RSPH14: variants seen among roughly 807,000 people sequenced by gnomAD.
RSPH14 encodes radial spoke head 14 homolog.
RSPH14 carries 20 observed loss-of-function variants against 26.7 expected under a neutral mutation model. The observed-to-expected ratio is 0.75, with a 90% CI of 0.53 to 1.09. The LOEUF is 1.09. Among genes scored for constraint, RSPH14 ranks in the 50% least tolerant of loss-of-function variants. The pLI, the probability that RSPH14 is intolerant of heterozygous loss-of-function variation, is 0.00. For missense variants in RSPH14, 449 were observed against 457.2 expected (o/e 0.98, Z 0.16); for synonymous variants, 177 against 189.3 (o/e 0.93, Z 0.53).
At chr22:23,123,624 GAC>G (rs1354542229) in intron 4 of RSPH14, 5 of 594,898 alleles carry the variant, frequency 8.4e-6, no homozygotes, top group East Asian at 5.5e-5. Context: ...TAGGTAGATA[GAC>G]ACACACACAT....
intron 4 of RSPH14, among the ~76,000 whole-genome samples, chr22:23,086,374 A>G (rs937291364): frequency 6.6e-6 from 1 of 152,224 alleles, no homozygotes; most frequent in African/African-American, 2.4e-5. Flanking sequence ...TGCTTTTAGC[A>G]TGAGATGACG....
intron 4 of RSPH14, chr22:23,096,454 T>C (rs1176419994): frequency 5.7e-6 from 9 of 1,565,938 alleles, no homozygotes; most frequent in African/African-American, 2.7e-5. Flanking sequence ...TGCTTGTTCC[T>C]GCTGTCGTGG....
At chr22:23,087,882 T>C (rs559819591) in intron 4 of RSPH14, among the ~76,000 whole-genome samples, 56 of 152,180 alleles carry the variant, frequency 3.7e-4, no homozygotes, top group African/African-American at 1.3e-3. Context: ...TTAGGGAGGG[T>C]CAGAATCTTT....
chr22:23,152,008 G>A, the RSPH14 span, among the ~76,000 whole-genome samples: 6 of 152,204 alleles, frequency 3.9e-5, no homozygotes, highest in African/African-American at 7.2e-5. Context: ...GCACAGCCCC[G>A]GGGGTGCATA....
At chr22:23,120,047 G>A (rs1372907045) in intron 4 of RSPH14, among the ~76,000 whole-genome samples, 1 of 152,204 alleles carries the variant, frequency 6.6e-6, no homozygotes, top group Non-Finnish European at 1.5e-5. Flanking sequence ...GGAGATGTTT[G>A]TCTGTCCTGA....
At chr22:23,159,331 G>A in the RSPH14 span, 84 of 1,341,916 alleles carry the variant, frequency 6.3e-5, 1 homozygote, top group Middle Eastern at 5.5e-4. Context: ...GCCATGCAGT[G>A]TTTCCCTCTG....
intron 4 of RSPH14, among the ~76,000 whole-genome samples, chr22:23,072,542 C>T (rs2068406433): frequency 1.3e-5 from 2 of 152,234 alleles, no homozygotes; most frequent in African/African-American, 4.8e-5. Context: ...TGCTCTCCCT[C>T]TGAAGGGGCT....
At chr22:23,085,098 A>G (rs2068782599) in intron 4 of RSPH14, among the ~76,000 whole-genome samples, 1 of 152,130 alleles carries the variant, frequency 6.6e-6, no homozygotes, top group African/African-American at 2.4e-5. Context: ...CACCTCAGAT[A>G]GGTGGACATG....
chr22:23,152,515 C>G, the RSPH14 span: 1 of 1,614,042 alleles, frequency 6.2e-7, no homozygotes, highest in African/African-American at 1.3e-5. Context: ...GGAAGACCAG[C>G]CTCATCCACA....
the RSPH14 span, among the ~76,000 whole-genome samples, chr22:23,175,618 G>A: frequency 6.6e-6 from 1 of 152,262 alleles, no homozygotes; most frequent in African/African-American, 2.4e-5. Flanking sequence ...ATAGATAGGC[G>A]TTTTATTATG....
At chr22:23,145,422 G>T (rs756669554), upstream of RSPH14, 2 of 1,610,644 alleles carry the variant, frequency 1.2e-6, no homozygotes, top group Non-Finnish European at 1.7e-6. Flanking sequence ...GTCCAACGCA[G>T]ACCCCGCCCA....
chr22:23,145,903 C>T (rs1265614968), upstream of RSPH14: 1 of 870,520 alleles, frequency 1.1e-6, no homozygotes, highest in Non-Finnish European at 1.4e-6. Flanking sequence ...GGGAAAAGGC[C>T]TAGTTGGCTG....
chr22:23,074,448 G>A (rs1336864122), intron 4 of RSPH14, among the ~76,000 whole-genome samples: 1 of 152,198 alleles, frequency 6.6e-6, no homozygotes, highest in African/African-American at 2.4e-5. Flanking sequence ...GCAAGATACA[G>A]AAAAACCCAT....
chr22:23,168,163 C>T, the RSPH14 span, among the ~76,000 whole-genome samples: 7 of 152,178 alleles, frequency 4.6e-5, no homozygotes, highest in South Asian at 2.1e-4. Context: ...GCAGCCCACA[C>T]GGCAGATGCC....
intron 2 of RSPH14, 147 bp from the exon 3 acceptor site, chr22:23,139,089 G>A (rs188937681): frequency 1.6e-6 from 1 of 629,264 alleles, no homozygotes; most frequent in East Asian, 2.7e-5. Context: ...GAATCATGTT[G>A]GTTATGCAGC....
chr22:23,141,517 C>A (rs1259596596), intron 1 of RSPH14, among the ~76,000 whole-genome samples: 1 of 152,162 alleles, frequency 6.6e-6, no homozygotes, highest in African/African-American at 2.4e-5. Context: ...ACAGTACCTC[C>A]TTCCCTGCCT....
intron 3 of RSPH14, 109 bp from the exon 4 acceptor site, chr22:23,134,253 A>C: frequency 1.3e-6 from 1 of 754,232 alleles, no homozygotes; most frequent in Non-Finnish European, 2.2e-6. Context: ...TCTGGGGTAG[A>C]CCACATTCCT....
At chr22:23,068,795 G>A (rs1354155924) in intron 4 of RSPH14, among the ~76,000 whole-genome samples, 1 of 152,220 alleles carries the variant, frequency 6.6e-6, no homozygotes, top group African/African-American at 2.4e-5. Context: ...CCTTTTGACA[G>A]AAGAGGAAAC....
intron 4 of RSPH14, among the ~76,000 whole-genome samples, chr22:23,125,254 C>T (rs1489120330): frequency 4.6e-5 from 7 of 152,224 alleles, no homozygotes; most frequent in African/African-American, 9.7e-5. Flanking sequence ...CAGGTCCATG[C>T]AGTCCTGGTG....
Sources: allele counts gnomAD v4.1 joint callset (sites outside exome capture counted in the v4.1 genomes callset), GRCh38; gene constraint gnomAD v4.1.1; transcripts MANE v1.5; gene names NCBI Gene and HGNC (gene_info 2026-07-23, HGNC 2026-07-21).